UNC5C: variants seen among roughly 807,000 people sequenced by gnomAD.
The protein encoded by UNC5C is unc-5 netrin receptor C, also known as netrin receptor UNC5C.
In UNC5C, 47 loss-of-function variants were observed where a neutral mutation model predicts 99.8. The ratio of observed to expected loss-of-function variants is 0.47; its 90% CI spans 0.37 to 0.60. The LOEUF (loss-of-function observed/expected upper bound fraction) is 0.60, where lower values mean the gene tolerates loss of function less well. Among genes scored for constraint, UNC5C ranks in the 20% least tolerant of loss-of-function variants. The pLI, the probability that UNC5C is intolerant of heterozygous loss-of-function variation, is 0.00. For missense variants in UNC5C, 1,062 were observed against 1,165.9 expected, an observed-to-expected ratio of 0.91 and a Z score of 1.30; for synonymous variants, 487 against 452.2, an observed-to-expected ratio of 1.08 and a Z score of -0.98.
chr4:95,241,253 A>G (rs892217336), intron 7 of UNC5C, among the ~76,000 whole-genome samples: 3 of 152,230 alleles, frequency 2.0e-5, no homozygotes, highest in Admixed American at 1.3e-4. Flanking sequence ...CAGGCCCCAC[A>G]TCATTACCAG....
chr4:95,263,224 A>G (rs534212311), intron 4 of UNC5C, among the ~76,000 whole-genome samples: 74 of 152,340 alleles, frequency 4.9e-4, no homozygotes, highest in African/African-American at 1.7e-3. Context: ...TAAGTCAACA[A>G]TTCTTTTTAA....
At chr4:95,512,214 C>T (rs550300676) in intron 1 of UNC5C, among the ~76,000 whole-genome samples, 5 of 152,038 alleles carry the variant, frequency 3.3e-5, no homozygotes, top group Admixed American at 2.6e-4. Context: ...AGGGAACACA[C>T]GAAAATTGTG....
chr4:95,179,994 A>G (rs988358382), intron 14 of UNC5C, among the ~76,000 whole-genome samples: 4 of 123,438 alleles, frequency 3.2e-5, no homozygotes, highest in South Asian at 4.8e-4. Context: ...TGAAACCTCA[A>G]TTGATGACAG....
chr4:95,183,044 A>G lies in UNC5C; in HGVS notation c.2304T>C (p.His768=). ...LAKYQEIPFY[H]VWSGSQRNLH... ...GGTTTCTTTGAGATCCACTCCAAAC[A>G]TGGTAAAATGGAATTTCCTAAAGGA... Residue 768 remains histidine (H), a synonymous_variant, in exon 14 of 16, where the codon CAT becomes CAC. Transcript: ENST00000453304. 1 of 1,607,090 alleles carries G rather than the reference A, an allele frequency of 6.2e-7. No homozygotes were observed. Among genetic ancestry groups the G allele is most frequent in the Non-Finnish European group, 8.5e-7 (1 of 1,174,474 alleles).
rs968785249 is a variant in UNC5C, at chr4:95,528,530, C to G, written c.124+20204G>C. On this transcript the variant is annotated intron_variant, in intron 1 of 15. Transcript: ENST00000453304. ...ACGTAAAACTGTATTTTAAAGGAGA[C>G]AACAAATGTGCACAACTTGACAAAC... Among the ~76,000 whole-genome samples the G allele has an allele frequency of 2.0e-5, 3 of 152,262 alleles. No homozygotes were observed. In the East Asian group the frequency reaches 5.8e-4, roughly 29 times the overall value.
intron 13 of UNC5C, 39 bp downstream of exon 13, chr4:95,185,008 A>T (rs1212564439): frequency 1.3e-6 from 2 of 1,553,178 alleles, no homozygotes; most frequent in Admixed American, 4.3e-5. Flanking sequence ...TCTTTCTTAG[A>T]GATGTCTCCA....
chr4:95,359,551 T>C (rs972073136), intron 1 of UNC5C, among the ~76,000 whole-genome samples: 1 of 152,068 alleles, frequency 6.6e-6, no homozygotes, highest in Non-Finnish European at 1.5e-5. Context: ...TTAATAATAT[T>C]ACCTTCTCAT....
chr4:95,497,922 A>G (rs1721674053), intron 1 of UNC5C, among the ~76,000 whole-genome samples: 1 of 152,028 alleles, frequency 6.6e-6, no homozygotes, highest in Non-Finnish European at 1.5e-5. Flanking sequence ...AAGCTTTTAA[A>G]TAGCTACATG....
intron 1 of UNC5C, among the ~76,000 whole-genome samples, chr4:95,518,859 T>G (rs1033456098): frequency 5.3e-5 from 8 of 152,138 alleles, no homozygotes; most frequent in African/African-American, 1.7e-4. Context: ...GAGGATCTAG[T>G]GAGAAATACG....
At chr4:95,455,794 TTAATAACTTGACGTTCTACA>T (rs1403983660) in intron 1 of UNC5C, among the ~76,000 whole-genome samples, 3 of 152,126 alleles carry the variant, frequency 2.0e-5, no homozygotes, top group African/African-American at 7.2e-5. Flanking sequence ...GTTCAAGTTA[TTAATAACTTGACGTTCTACA>T]TAATTTGACT....
intron 1 of UNC5C, among the ~76,000 whole-genome samples, chr4:95,454,420 TA>T (rs1160853490): frequency 6.6e-6 from 1 of 152,154 alleles, no homozygotes; most frequent in Non-Finnish European, 1.5e-5. Context: ...GTCTTTGAGA[TA>T]GTTTTTAAAG....
chr4:95,533,876 T>C (rs1483153497), intron 1 of UNC5C, among the ~76,000 whole-genome samples: 1 of 152,186 alleles, frequency 6.6e-6, no homozygotes, highest in Non-Finnish European at 1.5e-5. Context: ...TGTTTTTTCC[T>C]CCCTGGAAAT....
Position 95,464,722 on chromosome 4 carries a change from T to G in UNC5C, c.124+84012A>C, listed in dbSNP as rs1246816319. Among the ~76,000 whole-genome samples, 11 of 152,220 alleles carry G rather than the reference T, an allele frequency of 7.2e-5. No homozygotes were observed. The East Asian group carries it at 2.1e-3, about 29-fold the overall frequency. On this transcript the variant is annotated intron_variant, in intron 1 of 15. Coordinates refer to ENST00000453304, the MANE Select transcript of UNC5C (RefSeq NM_003728.4). Reference sequence around the variant, plus strand: ...TGTATGATTTTTGTAAACAAATCACTGTCTTATTTTCTTATCATGAGCATG... The same window carrying G: ...TGTATGATTTTTGTAAACAAATCACGGTCTTATTTTCTTATCATGAGCATG...
At chr4:95,318,598 T>G (rs1187885938) in intron 2 of UNC5C, among the ~76,000 whole-genome samples, 1 of 152,098 alleles carries the variant, frequency 6.6e-6, no homozygotes, top group Non-Finnish European at 1.5e-5. Context: ...AGGCAGCCTC[T>G]TAGTCACTGA....
chr4:95,536,082 A>ATATATATATTT (rs1180330785), intron 1 of UNC5C, among the ~76,000 whole-genome samples: 1 of 78,454 alleles, frequency 1.3e-5, no homozygotes, highest in South Asian at 3.6e-4. Context: ...ATATATATAT[A>ATATATATATTT]TTTTTTTTTT....
chr4:95,233,230 C>G (rs1434662421), intron 7 of UNC5C, among the ~76,000 whole-genome samples: 1 of 152,116 alleles, frequency 6.6e-6, no homozygotes, highest in East Asian at 1.9e-4. Context: ...AAAGTGCTAA[C>G]TTTGCAGAAT....
At chr4:95,518,815 C>A (rs1722279569) in intron 1 of UNC5C, among the ~76,000 whole-genome samples, 1 of 152,106 alleles carries the variant, frequency 6.6e-6, no homozygotes, top group African/African-American at 2.4e-5. Flanking sequence ...AGATTTAAGT[C>A]CTTATAAGTA....
intron 1 of UNC5C, among the ~76,000 whole-genome samples, chr4:95,516,536 T>C (rs1020807003): frequency 1.3e-5 from 2 of 152,132 alleles, no homozygotes; most frequent in African/African-American, 4.8e-5. Flanking sequence ...ATTTGATTGG[T>C]GTATGGTGAA....
chr4:95,470,710 A>G (rs1258103040), intron 1 of UNC5C, among the ~76,000 whole-genome samples: 4 of 152,190 alleles, frequency 2.6e-5, no homozygotes, highest in Non-Finnish European at 1.5e-5. Context: ...ATACTTAACA[A>G]GCATTTATAA....
Sources: gnomAD v4.1 joint callset for allele counts (sites outside exome capture counted in the v4.1 genomes callset) on GRCh38, gnomAD v4.1.1 for gene constraint, MANE v1.5 for transcripts, NCBI Gene and HGNC (gene_info 2026-07-23, HGNC 2026-07-21) for gene names.